FARP2: variants seen among roughly 807,000 people sequenced by gnomAD.
The protein encoded by FARP2 is FERM, ARHGEF and pleckstrin domain-containing protein 2.
In FARP2, 111 loss-of-function variants were observed where a neutral mutation model predicts 130.5. That is an observed-to-expected ratio of 0.85 (90% confidence interval 0.73 to 1.00). The LOEUF (loss-of-function observed/expected upper bound fraction) is 1.00. FARP2 is among the 50% of genes least tolerant of loss of function. The pLI, the probability that FARP2 is intolerant of heterozygous loss-of-function variation, is 0.00. For synonymous variants in FARP2, 504 were observed against 516.9 expected, an observed-to-expected ratio of 0.98 and a Z score of 0.34; for missense variants, 1,385 against 1,346.3, an observed-to-expected ratio of 1.03 and a Z score of -0.45.
chr2:241,390,545 A>G (rs2061882037), intron 2 of FARP2, among the ~76,000 whole-genome samples: 1 of 152,090 alleles, frequency 6.6e-6, no homozygotes, highest in Non-Finnish European at 1.5e-5. Context: ...CCTCCTGTTG[A>G]GGTTCGGTTT....
At chr2:241,420,098 C>T (rs1429835676) in intron 8 of FARP2, among the ~76,000 whole-genome samples, 2 of 152,174 alleles carry the variant, frequency 1.3e-5, no homozygotes, top group African/African-American at 4.8e-5. Flanking sequence ...CTACAGTGAG[C>T]CGAGATCGTG....
In FARP2 at chr2:241,476,214, T is replaced by TA. The variant is rs57746386; in HGVS notation, c.2262+248dup. On this transcript the variant is annotated intron_variant, in intron 19 of 26. Transcript: ENST00000264042. ...ACAGGGAAACCCCATTTCTATGAAT[T>TA]AAAAAAAAAAAAAAAAAAAAAGAAT... is the stretch of plus-strand genomic sequence containing the variant. Among the ~76,000 whole-genome samples the TA allele has an allele frequency of 8.4e-3, 905 of 108,158 alleles. 7 individuals carry two copies. The highest frequency in any genetic ancestry group is 0.017 in the African/African-American group (477 of 27,766). 71.0% of individuals were successfully genotyped at this position (108,158 alleles called of 152,430 possible).
chr2:241,487,971 A>T (rs1326724338), intron 21 of FARP2, among the ~76,000 whole-genome samples: 1 of 151,710 alleles, frequency 6.6e-6, no homozygotes, highest in Non-Finnish European at 1.5e-5. Context: ...GATGGTCTCG[A>T]TCTCCTGACC....
rs1437861430 is a variant in FARP2, at chr2:241,441,353, C to T, written c.1208C>T (p.Ala403Val). ...AGGACTCCTGCCTCCCCATCTTCAGCGAATGCCTTTTACTCGCTCTCTCCC... is the reference window on the plus strand; with the variant it reads ...AGGACTCCTGCCTCCCCATCTTCAGTGAATGCCTTTTACTCGCTCTCTCCC... ...GLRTPASPSSANAFYSLSPST... is the reference protein window; with the variant it reads ...GLRTPASPSSVNAFYSLSPST... Residue 403 changes from alanine (A) to valine (V), a missense_variant, in exon 13 of 27, where the codon GCG becomes GTG. Transcript: ENST00000264042. 8 of 1,613,236 alleles carry T rather than the reference C, an allele frequency of 5.0e-6. No homozygotes were observed. In the Admixed American group the frequency reaches 5.0e-5, roughly 10 times the overall value.
intron 2 of FARP2, among the ~76,000 whole-genome samples, chr2:241,392,768 T>C (rs1437300144): frequency 2.0e-5 from 3 of 151,852 alleles, no homozygotes; most frequent in Admixed American, 2.0e-4. Context: ...AGTGAAGCCC[T>C]ATCTCTGCTA....
At position 241,459,407 on chromosome 2, in the gene FARP2, A is replaced by T. The variant is rs1258891125; in HGVS notation, c.1587+2485A>T. On this transcript the variant is annotated intron_variant, in intron 14 of 26. Transcript: ENST00000264042. This position sits in a 1 kb window ranked among gnomAD's most constrained non-coding sequence, Gnocchi z 5.3. ...CCACCCGTCAAGCTTTTGCACTTGC[A>T]CCCAGTTGCTGGGCTGTGCGGGGAG... Among the ~76,000 whole-genome samples, 3 of 152,174 alleles carry T rather than the reference A, an allele frequency of 2.0e-5. No individual in the cohort carries two copies. Among genetic ancestry groups the T allele is most frequent in the African/African-American group, 7.2e-5 (3 of 41,450 alleles).
At chr2:241,411,881 G>A (rs1444162221) in intron 6 of FARP2, among the ~76,000 whole-genome samples, 1 of 152,130 alleles carries the variant, frequency 6.6e-6, no homozygotes, top group Admixed American at 6.6e-5. Context: ...TTTATTATGG[G>A]TTTGCTATCC....
rs547401731 is a variant in FARP2 at position 241,408,577 on chromosome 2, C to A, written c.410+962C>A. Among the ~76,000 whole-genome samples, 31 of 151,128 alleles carry A rather than the reference C, an allele frequency of 2.1e-4. No individual in the cohort carries two copies. The East Asian group carries it at 5.8e-3, about 28-fold the overall frequency. Reference sequence around the variant, plus strand: ...AAAAAGAAAATATTAACAATTGTTTCATCTGGACAGTAAGGTTATGGAAGG... The same window carrying A: ...AAAAAGAAAATATTAACAATTGTTTAATCTGGACAGTAAGGTTATGGAAGG... On this transcript the variant is annotated intron_variant, in intron 5 of 26. Transcript: ENST00000264042.
chr2:241,483,737 C>A, intron 20 of FARP2: 1 of 936,492 alleles, frequency 1.1e-6, no homozygotes, highest in Non-Finnish European at 1.3e-6. Context: ...GCTTCCCCAC[C>A]CACCCCAGGG....
chr2:241,492,714 T>A (rs1472054183), intron 24 of FARP2: 2 of 530,422 alleles, frequency 3.8e-6, no homozygotes, highest in Admixed American at 6.6e-5. Flanking sequence ...GAAAGGGAAC[T>A]CACTTTACTT....
chr2:241,413,428 C>T lies in FARP2; in HGVS notation c.623+7C>T. The T allele has an allele frequency of 1.9e-6, 3 of 1,565,134 alleles. No individual in the cohort carries two copies. In the East Asian group the frequency reaches 6.7e-5, roughly 35 times the overall value. On this transcript the variant is annotated splice_region_variant and intron_variant, in intron 7 of 26. Coordinates refer to ENST00000264042, the MANE Select transcript of FARP2 (RefSeq NM_014808.4). ...AATTCCATCAGAAGCACGTGTAAGT[C>T]ATCACAATTGTCTGTCAACACATTG... is the stretch of plus-strand genomic sequence containing the variant.
intron 14 of FARP2, among the ~76,000 whole-genome samples, chr2:241,457,904 A>C (rs886810): frequency 0.65 from 99,240 of 151,660 alleles, 32,720 homozygotes; most frequent in East Asian, 0.83. Flanking sequence ...TGGCACGGGG[A>C]GGGGGGCACA....
chr2:241,451,343 T>C (rs1261176402), intron 13 of FARP2, among the ~76,000 whole-genome samples: 1 of 152,194 alleles, frequency 6.6e-6, no homozygotes, highest in South Asian at 2.1e-4. Context: ...ATGAAGCCCA[T>C]TGGTGAACAG....
At chr2:241,378,915 C>T (rs2061600932) in intron 2 of FARP2, among the ~76,000 whole-genome samples, 1 of 152,152 alleles carries the variant, frequency 6.6e-6, no homozygotes, top group African/African-American at 2.4e-5. Flanking sequence ...GTTGATTAAA[C>T]AAATTCTGTG....
intron 2 of FARP2, among the ~76,000 whole-genome samples, chr2:241,392,614 T>A (rs1241760476): frequency 6.6e-6 from 1 of 152,114 alleles, no homozygotes; most frequent in Non-Finnish European, 1.5e-5. Context: ...GATTCATTTG[T>A]CCCTCTATGA....
intron 17 of FARP2, chr2:241,466,697 C>CG (rs1453530967): frequency 4.0e-5 from 27 of 676,556 alleles, no homozygotes; most frequent in Non-Finnish European, 2.4e-5. Flanking sequence ...CCACCCCCCC[C>CG]CCCACCACCA....
intron 4 of FARP2, among the ~76,000 whole-genome samples, chr2:241,405,972 TA>T (rs1309282404): frequency 2.0e-5 from 3 of 151,602 alleles, no homozygotes; most frequent in Non-Finnish European, 4.4e-5. Context: ...AACTTTTTTT[TA>T]AAAAAAACTT....
At chr2:241,398,201 C>A (rs2062078229) in intron 2 of FARP2, among the ~76,000 whole-genome samples, 1 of 152,004 alleles carries the variant, frequency 6.6e-6, no homozygotes, top group South Asian at 2.1e-4. Context: ...CTTATGTGTG[C>A]AGCTTGATAA....
At chr2:241,392,247 A>G (rs1003846121) in intron 2 of FARP2, among the ~76,000 whole-genome samples, 2 of 152,224 alleles carry the variant, frequency 1.3e-5, no homozygotes, top group African/African-American at 4.8e-5. Flanking sequence ...AAGCCCAGAA[A>G]TGGGGAGAGA....
Sources: allele counts gnomAD v4.1 joint callset (sites outside exome capture counted in the v4.1 genomes callset), GRCh38; gene constraint gnomAD v4.1.1; non-coding constraint Gnocchi (gnomAD v3.1); transcripts MANE v1.5; gene names NCBI Gene and HGNC (gene_info 2026-07-23, HGNC 2026-07-21).